The following STYX variants were observed in gnomAD, a reference collection of about 807,000 sequenced individuals.
STYX encodes serine/threonine/tyrosine-interacting protein.
STYX carries 20 observed loss-of-function variants against 42.7 expected under a neutral mutation model. The ratio of observed to expected loss-of-function variants is 0.47; its 90% CI spans 0.33 to 0.68. STYX has a LOEUF of 0.68. Among genes scored for constraint, STYX ranks in the 30% least tolerant of loss-of-function variants. STYX has a pLI of 0.02. For synonymous variants in STYX, 78 were observed against 81.9 expected (o/e 0.95, Z 0.26); for missense variants, 226 against 268.5 (o/e 0.84, Z 1.11).
chr14:52,756,525 C>G (rs766715849), intron 4 of STYX, 26 bp from the exon 5 acceptor site: 1 of 1,348,794 alleles, frequency 7.4e-7, no homozygotes, highest in Admixed American at 2.2e-5. Flanking sequence ...TTAAAGTGTG[C>G]TTATCACAAA....
rs58502916 is a variant in STYX at position 52,764,666 on chromosome 14, C to CTTT, written c.505-4156_505-4154dup. On this transcript the variant is annotated intron_variant, in intron 9 of 10. Coordinates refer to ENST00000354586, the MANE Select transcript of STYX (RefSeq NM_145251.4). ...TTAAGGTTTTATTTATTTACTTTTC[C>CTTT]TTTTTTTTTTTTTTTTTTTTGAGTT... 5.1e-3 allele frequency among the ~76,000 whole-genome samples: 501 copies of CTTT among 98,952 alleles called. 24 individuals carry two copies. Among genetic ancestry groups the CTTT allele is most frequent in the South Asian group, 0.013 (38 of 2,844 alleles). 64.9% of individuals were successfully genotyped at this position (98,952 alleles called of 152,430 possible).
rs771729810 is a variant in STYX at position 52,757,371 on chromosome 14, T to C, written c.340+16T>C. The C allele has an allele frequency of 2.5e-6, 4 of 1,586,438 alleles. No individual in the cohort carries two copies. The highest frequency in any genetic ancestry group is 4.5e-5 in the East Asian group (2 of 44,470). ...CAAATGGGAGGTAAATAACATTTCC[T>C]TTCCTTAACTAATGTTTATATTTTG... On this transcript the variant is annotated intron_variant, in intron 6 of 10. Coordinates refer to ENST00000354586, the MANE Select transcript of STYX (RefSeq NM_145251.4).
At chr14:52,740,234 C>T (rs983310505) in intron 1 of STYX, among the ~76,000 whole-genome samples, 1 of 152,130 alleles carries the variant, frequency 6.6e-6, no homozygotes, top group South Asian at 2.1e-4. Flanking sequence ...TGAGATCGTG[C>T]CACTGCATTG....
At chr14:52,765,330 G>T (rs781196497) in intron 9 of STYX, among the ~76,000 whole-genome samples, 1 of 151,982 alleles carries the variant, frequency 6.6e-6, no homozygotes, top group Non-Finnish European at 1.5e-5. Flanking sequence ...GTGATTCTCC[G>T]CTTCAGCCTC....
At chr14:52,752,186 A>C (rs112751548) in intron 4 of STYX, among the ~76,000 whole-genome samples, 51,483 of 151,258 alleles carry the variant, frequency 0.34, 9,411 homozygotes, top group South Asian at 0.4. Flanking sequence ...AAAACAAAAA[A>C]AAAACAGCGC....
intron 3 of STYX, among the ~76,000 whole-genome samples, chr14:52,749,856 TCCACACCTGAC>T (rs1881542033): frequency 6.6e-6 from 1 of 152,190 alleles, no homozygotes; most frequent in African/African-American, 2.4e-5. Context: ...ACAAGTGAAT[TCCACACCTGAC>T]CCCATGTAAT....
chr14:52,741,210 TTATATA>T (rs537656982), intron 1 of STYX, among the ~76,000 whole-genome samples: 2 of 143,686 alleles, frequency 1.4e-5, no homozygotes, highest in South Asian at 2.2e-4. Context: ...ATATATGTTT[TTATATA>T]TATATATATA....
chr14:52,732,765 C>T (rs1229281461), intron 1 of STYX, among the ~76,000 whole-genome samples: 3 of 151,900 alleles, frequency 2.0e-5, no homozygotes, highest in East Asian at 3.9e-4. Context: ...CCGCCTCCCA[C>T]GTTCAAAAGA....
At chr14:52,745,012 T>G in intron 2 of STYX, 128 bp downstream of exon 2, 1 of 692,600 alleles carries the variant, frequency 1.4e-6, no homozygotes, top group East Asian at 3.3e-5. Flanking sequence ...TAAATAATTA[T>G]TTTAAATATT....
chr14:52,730,300 C>G lies in STYX; in HGVS notation c.-175C>G. Reference sequence around the variant, plus strand: ...TCCTCTTCCCTGTCTTCGCCGCCGCCGCTGCTGGAGTCACTGGGACCCTGT... The same window carrying G: ...TCCTCTTCCCTGTCTTCGCCGCCGCGGCTGCTGGAGTCACTGGGACCCTGT... On this transcript the variant is annotated 5_prime_UTR_variant, in exon 1 of 11. Transcript: ENST00000354586. The G allele has an allele frequency of 1.6e-6, 1 of 624,582 alleles. No homozygotes were observed. Among genetic ancestry groups the G allele is most frequent in the Non-Finnish European group, 2.8e-6 (1 of 353,318 alleles). The allele number at this position is 624,582 out of a possible 1,614,324, so 38.7% of individuals were successfully genotyped here.
chr14:52,766,792 C>A (rs912435040), intron 9 of STYX, among the ~76,000 whole-genome samples: 3 of 149,232 alleles, frequency 2.0e-5, no homozygotes, highest in African/African-American at 7.3e-5. Flanking sequence ...TTTATGTTCC[C>A]TTTTTTCTTT....
intron 4 of STYX, among the ~76,000 whole-genome samples, chr14:52,753,099 G>A (rs983650488): frequency 7.0e-6 from 1 of 143,384 alleles, no homozygotes; most frequent in Non-Finnish European, 1.5e-5. Flanking sequence ...TGCCCAGGCT[G>A]GAGTGCAGTG....
chr14:52,762,434 C>G (rs1379612910), intron 9 of STYX, among the ~76,000 whole-genome samples: 1 of 152,130 alleles, frequency 6.6e-6, no homozygotes, highest in Non-Finnish European at 1.5e-5. Context: ...GATTGGATTT[C>G]CTAATATTGA....
rs1255767424 is a variant in STYX, at chr14:52,759,712, A to G, written c.462A>G (p.Arg154=). 2 of 1,611,652 alleles carry G rather than the reference A, an allele frequency of 1.2e-6. No homozygotes were observed. Among genetic ancestry groups the G allele is most frequent in the Non-Finnish European group, 1.7e-6 (2 of 1,178,880 alleles). ...CTTTTGCTTATGTTCAAGAAAGAAG[A>G]TTTTGTATTAATCCTAATGCTGGAT... is the stretch of plus-strand genomic sequence containing the variant. ...RDAFAYVQER[R]FCINPNAGFV... is the part of the protein sequence containing the mutation. The change falls in exon 9 of 11, where the codon AGA becomes AGG. Residue 154 remains arginine (R), a synonymous_variant. Transcript: ENST00000354586.
rs1881580167 is a variant in STYX, at chr14:52,750,747, A to C, written c.209A>C (p.Asn70Thr). ...IICIRQNIEA[N>T]FIKPNFQQLF... ...TGCATACGACAAAATATTGAAGCAA[A>C]CTTTATTAAACCAAACTTTCAGCAG... The change falls in exon 4 of 11, where the codon AAC (asparagine) becomes ACC (threonine). Residue 70 changes from asparagine to threonine, a missense_variant. Asn to Thr is a moderately conservative substitution (Grantham distance 65, BLOSUM62 0). Coordinates refer to ENST00000354586, the MANE Select transcript of STYX (RefSeq NM_145251.4). 1 of 1,594,530 alleles carries C rather than the reference A, an allele frequency of 6.3e-7. No homozygotes were observed. Among genetic ancestry groups the C allele is most frequent in the Non-Finnish European group, 8.5e-7 (1 of 1,171,346 alleles).
chr14:52,734,626 G>T (rs1386554633), intron 1 of STYX, among the ~76,000 whole-genome samples: 1 of 152,220 alleles, frequency 6.6e-6, no homozygotes, highest in East Asian at 1.9e-4. Context: ...TTATATCACA[G>T]GGACAGAGGT....
intron 4 of STYX, among the ~76,000 whole-genome samples, chr14:52,753,629 A>G (rs189233523): frequency 2.6e-5 from 4 of 152,274 alleles, no homozygotes; most frequent in East Asian, 1.9e-4. Flanking sequence ...ATTCTCTCAT[A>G]TACATTAAAT....
chr14:52,771,794 T>C lies in STYX; in HGVS notation c.*688T>C, dbSNP rs556177456. 4.6e-5 allele frequency: 7 copies of C among 152,620 alleles called. No homozygotes were observed. Among genetic ancestry groups the C allele is most frequent in the African/African-American group, 1.7e-4 (7 of 41,570 alleles). 9.5% of individuals were successfully genotyped at this position (152,620 alleles called of 1,614,324 possible). A position where few individuals can be genotyped will look rare whatever the true frequency, so the allele number is the denominator to read the frequency against. ...TATTACTTTCCTAATTTTTCTATATTTTAAAAACTACAGTTTCCATGATAA... is the reference window on the plus strand; with the variant it reads ...TATTACTTTCCTAATTTTTCTATATCTTAAAAACTACAGTTTCCATGATAA... On this transcript the variant is annotated 3_prime_UTR_variant, in exon 11 of 11. Coordinates refer to ENST00000354586, the MANE Select transcript of STYX (RefSeq NM_145251.4).
chr14:52,754,053 C>G (rs1881747607), intron 4 of STYX, among the ~76,000 whole-genome samples: 1 of 151,782 alleles, frequency 6.6e-6, no homozygotes, highest in South Asian at 2.1e-4. Flanking sequence ...CCACGCCTGG[C>G]TAATTTTTGT....
Sources: allele counts gnomAD v4.1 joint callset (sites outside exome capture counted in the v4.1 genomes callset), GRCh38; gene constraint gnomAD v4.1.1; transcripts MANE v1.5; gene names NCBI Gene and HGNC (gene_info 2026-07-23, HGNC 2026-07-21).